The following FAM117B variants were observed in gnomAD, a reference collection of about 807,000 sequenced individuals.
FAM117B encodes family with sequence similarity 117 member B, also known as protein FAM117B.
A neutral mutation model predicts 52.8 loss-of-function variants in FAM117B; 22 were observed. The ratio of observed to expected loss-of-function variants is 0.42; its 90% CI spans 0.30 to 0.59. FAM117B has a LOEUF of 0.59. Ranked by LOEUF, FAM117B falls within the 20% of genes least tolerant of loss-of-function variation. The pLI is 0.22. For synonymous variants in FAM117B, 309 were observed against 324.1 expected, an observed-to-expected ratio of 0.95 and a Z score of 0.50; for missense variants, 678 against 802.6, an observed-to-expected ratio of 0.84 and a Z score of 1.88.
In FAM117B at chr2:202,755,694, G is replaced by T. The variant is rs1691790433; in HGVS notation, c.1104+13G>T. 2 of 1,606,870 alleles carry T rather than the reference G, an allele frequency of 1.2e-6. No homozygotes were observed. The highest frequency in any genetic ancestry group is 2.2e-5 in the East Asian group (1 of 44,832). On this transcript the variant is annotated intron_variant, in intron 5 of 7. Coordinates refer to ENST00000392238, the MANE Select transcript of FAM117B (RefSeq NM_173511.4). ...AGAGCAACTTATAGTAAGTGATCTT[G>T]TATCTTAAAATCATTCTTGAACTCT...
intron 2 of FAM117B, among the ~76,000 whole-genome samples, chr2:202,702,576 C>T (rs142000264): frequency 5.9e-5 from 9 of 151,822 alleles, no homozygotes; most frequent in African/African-American, 9.6e-5. Flanking sequence ...TTTTTTGAGA[C>T]GGAATCTTGC....
chr2:202,702,703 G>A (rs956302484), intron 2 of FAM117B, among the ~76,000 whole-genome samples: 32 of 151,984 alleles, frequency 2.1e-4, no homozygotes, highest in African/African-American at 7.5e-4. Flanking sequence ...ACAGGCGCCC[G>A]CCACCACACC....
intron 1 of FAM117B, among the ~76,000 whole-genome samples, chr2:202,677,510 ATACT>A (rs1193986799): frequency 3.3e-5 from 5 of 152,174 alleles, no homozygotes; most frequent in Non-Finnish European, 5.9e-5. Flanking sequence ...TGTGTTATAT[ATACT>A]TAATTTTTTG....
chr2:202,682,114 T>C (rs1690471191), intron 1 of FAM117B, among the ~76,000 whole-genome samples: 1 of 152,236 alleles, frequency 6.6e-6, no homozygotes, highest in Non-Finnish European at 1.5e-5. Context: ...CTCTGTCTCC[T>C]TTTCAGCTCC....
At position 202,648,987 on chromosome 2, in the gene FAM117B, C is replaced by T. The variant is rs549312280; in HGVS notation, c.601+13199C>T. On this transcript the variant is annotated intron_variant, in intron 1 of 7. Coordinates refer to ENST00000392238, the MANE Select transcript of FAM117B (RefSeq NM_173511.4). Reference sequence around the variant, plus strand: ...CAGGCTGGTCTCGAGCTCCTGACCTCGGGCGTTCTGCCCGCCTCAGCCTCA... The same window carrying T: ...CAGGCTGGTCTCGAGCTCCTGACCTTGGGCGTTCTGCCCGCCTCAGCCTCA... 6.0e-5 allele frequency among the ~76,000 whole-genome samples: 9 copies of T among 149,234 alleles called. No individual in the cohort carries two copies. In the East Asian group the frequency reaches 1.5e-3, roughly 26 times the overall value.
At chr2:202,702,180 C>T (rs954967532) in intron 2 of FAM117B, among the ~76,000 whole-genome samples, 1 of 152,132 alleles carries the variant, frequency 6.6e-6, no homozygotes, top group Non-Finnish European at 1.5e-5. Context: ...GTCATGAGGT[C>T]AGGAGTTCGA....
chr2:202,653,841 T>C (rs994890835), intron 1 of FAM117B, among the ~76,000 whole-genome samples: 2 of 152,280 alleles, frequency 1.3e-5, no homozygotes, highest in Non-Finnish European at 2.9e-5. Flanking sequence ...AAAGAAATGA[T>C]TTTTCTGTCA....
chr2:202,726,473 A>T (rs1167822819), intron 4 of FAM117B, 110 bp downstream of exon 4: 1 of 727,708 alleles, frequency 1.4e-6, no homozygotes, highest in East Asian at 2.6e-5. Flanking sequence ...ACATATTTGA[A>T]ACAGTGATTT....
rs780028124 is a variant in FAM117B, at chr2:202,654,062, T to TGAGTGAGAGAGAGA, written c.601+18277_601+18278insTGAGAGAGAGAGAG. On this transcript the variant is annotated intron_variant, in intron 1 of 7. Transcript: ENST00000392238. Reference sequence around the variant, plus strand: ...GGAGGGGGTGCGGGAAGAGAGTGAGTGAGAGAGAGAGAGAGAGAGAGAGAG... The same window carrying TGAGTGAGAGAGAGA: ...GGAGGGGGTGCGGGAAGAGAGTGAGTGAGTGAGAGAGAGAGAGAGAGAGAGAGAGAGAGAGAGAG... Among the ~76,000 whole-genome samples, 312 of 134,798 alleles carry TGAGTGAGAGAGAGA rather than the reference T, an allele frequency of 2.3e-3. 1 individual carries two copies. The highest frequency in any genetic ancestry group is 8.1e-3 in the African/African-American group (298 of 36,844). The allele number at this position is 134,798 out of a possible 152,430, so 88.4% of individuals were successfully genotyped here. A position where few individuals can be genotyped will look rare whatever the true frequency, so the allele number is the denominator to read the frequency against.
chr2:202,741,829 G>T (rs1691545096), intron 4 of FAM117B, among the ~76,000 whole-genome samples: 1 of 152,080 alleles, frequency 6.6e-6, no homozygotes, highest in South Asian at 2.1e-4. Flanking sequence ...CACCGCGCCT[G>T]GCCAGTGAAA....
intron 1 of FAM117B, among the ~76,000 whole-genome samples, chr2:202,652,989 G>A (rs932351612): frequency 1.3e-5 from 2 of 152,142 alleles, no homozygotes; most frequent in East Asian, 3.9e-4. Flanking sequence ...AACAGGCTGG[G>A]CATGGTGGCT....
intron 1 of FAM117B, among the ~76,000 whole-genome samples, chr2:202,670,884 C>T (rs982340678): frequency 2.0e-5 from 3 of 152,264 alleles, no homozygotes; most frequent in Admixed American, 1.3e-4. Flanking sequence ...GTATACTGGG[C>T]AGGCAAAAAT....
intron 4 of FAM117B, among the ~76,000 whole-genome samples, chr2:202,751,578 G>A (rs1691721798): frequency 6.6e-6 from 1 of 152,038 alleles, no homozygotes; most frequent in Non-Finnish European, 1.5e-5. Context: ...GACCAGCCAG[G>A]CCAACGTTGC....
chr2:202,695,681 T>C (rs1339678646), intron 1 of FAM117B, among the ~76,000 whole-genome samples, 200 bp from the exon 2 acceptor site: 4 of 152,214 alleles, frequency 2.6e-5, no homozygotes, highest in African/African-American at 4.8e-5. Flanking sequence ...GATATGTATA[T>C]ATAGGAAAAA....
At chr2:202,716,759 A>C (rs146883712) in intron 2 of FAM117B, among the ~76,000 whole-genome samples, 2 of 152,096 alleles carry the variant, frequency 1.3e-5, no homozygotes, top group African/African-American at 4.8e-5. Context: ...ACTGTCTTCA[A>C]GCTCACTAAT....
intron 4 of FAM117B, among the ~76,000 whole-genome samples, chr2:202,749,871 A>G (rs751317618): frequency 7.2e-5 from 11 of 152,198 alleles, no homozygotes; most frequent in Admixed American, 2.6e-4. Flanking sequence ...CTGGATCACT[A>G]TATCTCTGGC....
At chr2:202,749,347 T>G (rs975398945) in intron 4 of FAM117B, among the ~76,000 whole-genome samples, 2 of 152,104 alleles carry the variant, frequency 1.3e-5, no homozygotes, top group African/African-American at 4.8e-5. Context: ...ATTGATTTCT[T>G]AAGTAATGCC....
At chr2:202,727,045 C>T (rs1433980067) in intron 4 of FAM117B, among the ~76,000 whole-genome samples, 1 of 150,372 alleles carries the variant, frequency 6.7e-6, no homozygotes, top group East Asian at 1.9e-4. Flanking sequence ...CTTGATGGCT[C>T]ATCCATCCAA....
chr2:202,635,418 A>AGGCGGCGGC lies in FAM117B; in HGVS notation c.240_248dup (p.Gly82_Gly84dup), dbSNP rs565502997. ...GCTGTGGTGGCGCCTCAGGCCCCGC[A>AGGCGGCGGC]GGCGGCGGCGGCGGCGGTGGCCCGC... is the stretch of plus-strand genomic sequence containing the variant. On this transcript the variant is annotated inframe_insertion, in exon 1 of 8. Coordinates refer to ENST00000392238, the MANE Select transcript of FAM117B (RefSeq NM_173511.4). 6 of 1,241,222 alleles carry AGGCGGCGGC rather than the reference A, an allele frequency of 4.8e-6. No individual in the cohort carries two copies. Among genetic ancestry groups the AGGCGGCGGC allele is most frequent in the African/African-American group, 3.2e-5 (2 of 62,104 alleles). 76.9% of individuals were successfully genotyped at this position (1,241,222 alleles called of 1,614,324 possible). A position where few individuals can be genotyped will look rare whatever the true frequency, so the allele number is the denominator to read the frequency against.
Sources: gnomAD v4.1 joint callset for allele counts (sites outside exome capture counted in the v4.1 genomes callset) on GRCh38, gnomAD v4.1.1 for gene constraint, MANE v1.5 for transcripts, NCBI Gene and HGNC (gene_info 2026-07-23, HGNC 2026-07-21) for gene names.